The following ARMC2 variants were observed in gnomAD, a reference collection of about 807,000 sequenced individuals.
ARMC2 encodes armadillo repeat-containing protein 2.
ARMC2 carries 67 observed loss-of-function variants against 90.3 expected under a neutral mutation model. The ratio of observed to expected loss-of-function variants is 0.74; its 90% CI spans 0.61 to 0.91. The LOEUF is 0.91. ARMC2 is among the 40% of genes least tolerant of loss of function. ARMC2 has a pLI of 0.00. For synonymous variants in ARMC2, 393 were observed against 393.0 expected (o/e 1.00, Z 0.00); for missense variants, 920 against 1,030.9 (o/e 0.89, Z 1.47).
the ARMC2 span, among the ~76,000 whole-genome samples, chr6:109,030,005 C>T: frequency 2.0e-5 from 3 of 152,138 alleles, no homozygotes; most frequent in African/African-American, 7.2e-5. Context: ...GGTACCCAAC[C>T]CTCAAAATGT....
At chr6:108,868,750 G>T in intron 3 of ARMC2, 74 bp from the exon 4 acceptor site, 4 of 1,429,906 alleles carry the variant, frequency 2.8e-6, no homozygotes, top group Non-Finnish European at 3.8e-6. Context: ...TGGAAGGGTT[G>T]TGGCCAGCTC....
chr6:108,910,323 G>T (rs1460029980), intron 8 of ARMC2, among the ~76,000 whole-genome samples: 1 of 152,122 alleles, frequency 6.6e-6, no homozygotes. Context: ...AGGCACAGTG[G>T]CACAAGCCTA....
At chr6:108,990,908 T>C in the ARMC2 span, 2 of 1,306,650 alleles carry the variant, frequency 1.5e-6, no homozygotes, top group Admixed American at 2.3e-5. Context: ...CTCTGTAGCA[T>C]GGTAAAAATC....
intron 5 of ARMC2, among the ~76,000 whole-genome samples, chr6:108,879,735 C>T (rs144620259): frequency 3.3e-5 from 5 of 152,216 alleles, no homozygotes; most frequent in South Asian, 4.2e-4. Context: ...AGGAGGAAAG[C>T]CCAAGAACAG....
intron 5 of ARMC2, among the ~76,000 whole-genome samples, chr6:108,891,917 T>C (rs1254252395): frequency 2.0e-5 from 3 of 152,208 alleles, no homozygotes; most frequent in Non-Finnish European, 2.9e-5. Flanking sequence ...TTGAGTTAAT[T>C]AGTTCTGTGC....
At chr6:108,881,874 A>G (rs1454651013) in intron 5 of ARMC2, among the ~76,000 whole-genome samples, 1 of 152,226 alleles carries the variant, frequency 6.6e-6, no homozygotes, top group Non-Finnish European at 1.5e-5. Context: ...AAGAAAACAG[A>G]CTAAAATTTA....
At chr6:108,991,073 A>AC in the ARMC2 span, among the ~76,000 whole-genome samples, 7 of 149,956 alleles carry the variant, frequency 4.7e-5, no homozygotes, top group Non-Finnish European at 1.0e-4. Context: ...TCTCAAAAAA[A>AC]AACAACAACA....
At chr6:108,960,207 C>CG (rs112207792) in intron 13 of ARMC2, among the ~76,000 whole-genome samples, 55 of 152,164 alleles carry the variant, frequency 3.6e-4, no homozygotes, top group African/African-American at 6.7e-4. Context: ...TTATGTGCAC[C>CG]GGCGGGGGAC....
chr6:108,874,514 T>C (rs1002411557), intron 4 of ARMC2, among the ~76,000 whole-genome samples: 3 of 152,244 alleles, frequency 2.0e-5, no homozygotes, highest in African/African-American at 7.2e-5. Flanking sequence ...GGTGTGGTGA[T>C]ATGGAGAGAG....
intron 4 of ARMC2, among the ~76,000 whole-genome samples, chr6:108,871,634 C>T (rs1361255546): frequency 6.6e-6 from 1 of 152,164 alleles, no homozygotes; most frequent in Non-Finnish European, 1.5e-5. Flanking sequence ...AACCCTGCTG[C>T]TTGCTGAGGT....
the ARMC2 span, chr6:108,998,739 T>C: frequency 6.2e-7 from 1 of 1,611,370 alleles, no homozygotes. Context: ...GCTGTGCTCT[T>C]CAGCTTTTAA....
intron 12 of ARMC2, among the ~76,000 whole-genome samples, chr6:108,950,336 T>C (rs563256921): frequency 1.3e-5 from 2 of 152,334 alleles, no homozygotes; most frequent in Non-Finnish European, 2.9e-5. Flanking sequence ...TTGTTGATTG[T>C]AGCACTATTC....
intron 3 of ARMC2, among the ~76,000 whole-genome samples, chr6:108,866,994 T>C (rs1775885795): frequency 6.6e-6 from 1 of 152,148 alleles, no homozygotes; most frequent in African/African-American, 2.4e-5. Context: ...TCATACGTGA[T>C]AAATGACATC....
chr6:108,855,265 T>A (rs1023794533), intron 2 of ARMC2, among the ~76,000 whole-genome samples: 18 of 151,222 alleles, frequency 1.2e-4, no homozygotes, highest in Middle Eastern at 3.4e-3. Flanking sequence ...TTTTTTTTTT[T>A]TGAGATGGTG....
chr6:108,997,417 A>G, the ARMC2 span, among the ~76,000 whole-genome samples: 1 of 152,112 alleles, frequency 6.6e-6, no homozygotes, highest in Admixed American at 6.5e-5. Context: ...GGCCTATAAC[A>G]TGAATCTAGG....
chr6:108,957,047 G>A (rs1777636372), intron 13 of ARMC2, among the ~76,000 whole-genome samples: 1 of 152,198 alleles, frequency 6.6e-6, no homozygotes, highest in African/African-American at 2.4e-5. Context: ...TGTGAGAAAT[G>A]TTTTAGTCTC....
At chr6:108,937,312 G>A (rs1000773612) in intron 12 of ARMC2, among the ~76,000 whole-genome samples, 6 of 152,006 alleles carry the variant, frequency 3.9e-5, no homozygotes, top group African/African-American at 1.4e-4. Flanking sequence ...GGGGGAGGGG[G>A]TATAACCCCA....
intron 10 of ARMC2, 130 bp downstream of exon 10, chr6:108,912,688 G>GC: frequency 2.6e-6 from 2 of 775,656 alleles, no homozygotes; most frequent in Non-Finnish European, 4.1e-6. Flanking sequence ...AAGGGCAGCA[G>GC]CCATAGCCCA....
rs1372530752 is a variant in ARMC2 at position 108,854,444 on chromosome 6, A to G, written c.177A>G (p.Ala59=). The G allele has an allele frequency of 6.2e-7, 1 of 1,613,628 alleles. No homozygotes were observed. Among genetic ancestry groups the G allele is most frequent in the African/African-American group, 1.3e-5 (1 of 74,866 alleles). Residue 59 remains alanine (A), a synonymous_variant, in exon 2 of 18, where the codon GCA becomes GCG. Transcript: ENST00000392644. ...CTCAAAGAAAACTATTCGGACCTGCATCCTCAAGAACATCAGAAAATAGAC... is the reference window on the plus strand; with the variant it reads ...CTCAAAGAAAACTATTCGGACCTGCGTCCTCAAGAACATCAGAAAATAGAC... ...QEAQRKLFGP[A]SSRTSENRPP...
Sources: gnomAD v4.1 joint callset for allele counts (sites outside exome capture counted in the v4.1 genomes callset) on GRCh38, gnomAD v4.1.1 for gene constraint, MANE v1.5 for transcripts, NCBI Gene and HGNC (gene_info 2026-07-23, HGNC 2026-07-21) for gene names.